ANKFN1: variants seen among roughly 807,000 people sequenced by gnomAD.
ANKFN1 encodes ankyrin repeat and fibronectin type III domain containing 1.
A neutral mutation model predicts 108.7 loss-of-function variants in ANKFN1; 74 were observed. The observed-to-expected ratio is 0.68, with a 90% CI of 0.56 to 0.83. The LOEUF is 0.83. ANKFN1 is among the 40% of genes least tolerant of loss of function. The probability of loss-of-function intolerance (pLI) is 0.00; values close to 1 mark genes in which losing one functional copy is unlikely to be tolerated. For synonymous variants in ANKFN1, 547 were observed against 516.2 expected, an observed-to-expected ratio of 1.06 and a Z score of -0.81; for missense variants, 1,505 against 1,382.3, an observed-to-expected ratio of 1.09 and a Z score of -1.41.
Position 56,477,548 on chromosome 17 carries a change from T to C in ANKFN1, c.1834T>C (p.Tyr612His), listed in dbSNP as rs1471397546. Residue 612 changes from tyrosine (Y) to histidine (H), a missense_variant, in exon 16 of 21, where the codon TAC (tyrosine) becomes CAC (histidine). Coordinates refer to ENST00000682825, the MANE Select transcript of ANKFN1 (RefSeq NM_001370326.1). ...QRLFPGLYLG[Y>H]LKLCSSVDQI... ...TCTCTTTCCTGGATTATATCTGGGT[T>C]ACCTAAAGCTCTGTAGCTCTGTGGA... 1 of 1,613,692 alleles carries C rather than the reference T, an allele frequency of 6.2e-7. No individual in the cohort carries two copies. Among genetic ancestry groups the C allele is most frequent in the East Asian group, 2.2e-5 (1 of 44,874 alleles).
At chr17:56,049,533 C>A (rs1382574667) in intron 4 of ANKFN1, among the ~76,000 whole-genome samples, 1 of 151,684 alleles carries the variant, frequency 6.6e-6, no homozygotes, top group Non-Finnish European at 1.5e-5. Context: ...CAATGCTATC[C>A]CTCCCCCTTC....
chr17:56,432,778 C>T (rs1598600642), intron 8 of ANKFN1, among the ~76,000 whole-genome samples: 1 of 152,210 alleles, frequency 6.6e-6, no homozygotes, highest in Non-Finnish European at 1.5e-5. Context: ...TGTGCCACTC[C>T]TGTGTCCTAA....
chr17:56,153,395 T>C, upstream of ANKFN1: 1 of 1,334,834 alleles, frequency 7.5e-7, no homozygotes, highest in South Asian at 1.2e-5. Context: ...ATGCTCAGTC[T>C]CCCTGGATAA....
chr17:56,106,737 G>C (rs994421), intron 4 of ANKFN1, among the ~76,000 whole-genome samples: 79,895 of 151,952 alleles, frequency 0.53, 21,361 homozygotes, highest in East Asian at 0.81. Flanking sequence ...CATCTTGAAG[G>C]CCGTCCAGTC....
chr17:56,368,213 G>A (rs1386530906), intron 6 of ANKFN1: 5 of 1,214,842 alleles, frequency 4.1e-6, no homozygotes, highest in Non-Finnish European at 5.4e-6. Context: ...ACAAAAGTCT[G>A]AAATTTTTTT....
At chr17:56,186,204 T>A (rs1033361021) in intron 1 of ANKFN1, among the ~76,000 whole-genome samples, 5 of 152,230 alleles carry the variant, frequency 3.3e-5, no homozygotes, top group African/African-American at 1.2e-4. Flanking sequence ...TGTAGTATAC[T>A]GAACAAGTAC....
Position 56,108,743 on chromosome 17 carries a change from GGAA to G in ANKFN1, c.288+62423_288+62425del, listed in dbSNP as rs778286689. Among the ~76,000 whole-genome samples, 9 of 152,200 alleles carry G rather than the reference GGAA, an allele frequency of 5.9e-5. No individual in the cohort carries two copies. The East Asian group carries it at 1.2e-3, about 20-fold the overall frequency. On this transcript the variant is annotated intron_variant, in intron 4 of 12. Transcript: ENST00000635860. ...CTCCAAAGTACTAGAATTAGCACTA[GGAA>G]GAAGGTTTTTTATTTTGTATGTACA...
chr17:56,050,167 T>G (rs1418853660), intron 4 of ANKFN1, among the ~76,000 whole-genome samples: 1 of 151,156 alleles, frequency 6.6e-6, no homozygotes, highest in East Asian at 1.9e-4. Context: ...TTTTCATGTG[T>G]TTTTTGGCTG....
chr17:56,096,136 A>G (rs1222823794), intron 4 of ANKFN1, among the ~76,000 whole-genome samples: 1 of 152,234 alleles, frequency 6.6e-6, no homozygotes, highest in Non-Finnish European at 1.5e-5. Flanking sequence ...TTAAGTGCCC[A>G]ACAAATGACA....
chr17:56,488,543 C>A (rs1845949712), intron 18 of ANKFN1, among the ~76,000 whole-genome samples: 1 of 152,166 alleles, frequency 6.6e-6, no homozygotes, highest in African/African-American at 2.4e-5. Flanking sequence ...CTAATGAAAT[C>A]CAGGCCACAG....
At chr17:56,373,711 A>G (rs141566744) in intron 7 of ANKFN1, among the ~76,000 whole-genome samples, 4 of 152,328 alleles carry the variant, frequency 2.6e-5, no homozygotes, top group Non-Finnish European at 4.4e-5. Context: ...ATAACTTAGC[A>G]ACATTAATGA....
At chr17:56,197,613 A>G (rs1459559060) in intron 1 of ANKFN1, among the ~76,000 whole-genome samples, 4 of 152,154 alleles carry the variant, frequency 2.6e-5, no homozygotes, top group Admixed American at 2.0e-4. Flanking sequence ...GATTATTCCA[A>G]TGGTCTTCTA....
intron 3 of ANKFN1, among the ~76,000 whole-genome samples, chr17:56,296,640 C>T (rs2044517555): frequency 1.3e-5 from 2 of 152,144 alleles, no homozygotes; most frequent in Non-Finnish European, 2.9e-5. Flanking sequence ...GCTGAGATCA[C>T]ACCACTGCAC....
intron 15 of ANKFN1, chr17:56,472,125 C>T (rs1423019811): frequency 6.6e-6 from 1 of 152,192 alleles, no homozygotes; most frequent in Non-Finnish European, 1.5e-5. Context: ...AAGACAGCAG[C>T]TCCGATTCAG....
At chr17:56,247,192 G>A (rs746685265) in intron 3 of ANKFN1, among the ~76,000 whole-genome samples, 7 of 152,190 alleles carry the variant, frequency 4.6e-5, no homozygotes, top group South Asian at 2.1e-4. Flanking sequence ...TGGCATTGCC[G>A]TGAAATCTGA....
rs558700888 is a variant in ANKFN1 at position 56,417,089 on chromosome 17, T to A, written c.911-23238T>A. Among the ~76,000 whole-genome samples, 3 of 151,562 alleles carry A rather than the reference T, an allele frequency of 2.0e-5. No homozygotes were observed. In the East Asian group the frequency reaches 5.8e-4, roughly 29 times the overall value. On this transcript the variant is annotated intron_variant, in intron 8 of 20. Transcript: ENST00000682825. ...GGTAGTGGGAGGTTGGGGGGAATAG[T>A]GGGGGTGGTTAATGGGTACAAAATA... is the stretch of plus-strand genomic sequence containing the variant.
intron 8 of ANKFN1, among the ~76,000 whole-genome samples, chr17:56,408,798 G>T (rs2047998797): frequency 6.6e-6 from 1 of 152,092 alleles, no homozygotes; most frequent in African/African-American, 2.4e-5. Flanking sequence ...TGATTAAATT[G>T]ATGTAAAAAC....
chr17:56,095,827 A>C (rs1165059959), intron 4 of ANKFN1, among the ~76,000 whole-genome samples: 1 of 152,178 alleles, frequency 6.6e-6, no homozygotes, highest in Non-Finnish European at 1.5e-5. Context: ...GGATCTGTGC[A>C]ATGTCTGACT....
chr17:56,484,592 C>CT, intron 18 of ANKFN1, among the ~76,000 whole-genome samples: 1 of 152,104 alleles, frequency 6.6e-6, no homozygotes, highest in Non-Finnish European at 1.5e-5. Context: ...ACTGAAGGTG[C>CT]TAAGTCAACA....
Sources: gnomAD v4.1 joint callset for allele counts (sites outside exome capture counted in the v4.1 genomes callset) on GRCh38, gnomAD v4.1.1 for gene constraint, MANE v1.5 for transcripts, NCBI Gene and HGNC (gene_info 2026-07-23, HGNC 2026-07-21) for gene names.